Variants in H4C5 observed in about 807,000 individuals in gnomAD.
H4C5 encodes H4 clustered histone 5.
In H4C5, 15 loss-of-function variants were observed where a neutral mutation model predicts 5.3. That is an observed-to-expected ratio of 2.84 (90% CI 1.90 to 4.37). The LOEUF (loss-of-function observed/expected upper bound fraction) is 4.37, where lower values mean the gene tolerates loss of function less well. Ranked by LOEUF, H4C5 falls within the 30% of genes most tolerant of loss-of-function variation. The pLI is 0.00. For missense variants in H4C5, 153 were observed against 145.7 expected, an observed-to-expected ratio of 1.05 and a Z score of -0.26; for synonymous variants, 154 against 56.9, an observed-to-expected ratio of 2.71 and a Z score of -7.68.
Position 26,204,885 on chromosome 6 carries a change from A to G in H4C5, c.241A>G (p.Thr81Ala). ...TTACACGGAGCACGCCAAACGCAAG[A>G]CAGTGACAGCGATGGATGTGGTCTA... ...VTYTEHAKRK[T>A]VTAMDVVYAL... The change falls in exon 1 of 1, where the codon ACA becomes GCA. Residue 81 changes from threonine (T) to alanine (A), a missense_variant. Transcript: ENST00000615164. 1 of 1,614,170 alleles carries G rather than the reference A, an allele frequency of 6.2e-7. No individual in the cohort carries two copies. The highest frequency in any genetic ancestry group is 8.5e-7 in the Non-Finnish European group (1 of 1,179,982).
rs1376863008 is a variant in H4C5, at chr6:26,204,788, T to C, written c.144T>C (p.Ser48=). ...LARRGGVKRI[S]GLIYEETRGV... The stretch of plus-strand genomic sequence containing the variant: ...GTCGCGGGGGTGTCAAGCGCATTTC[T>C]GGTCTCATCTACGAGGAGACTCGCG... The change falls in exon 1 of 1, where the codon TCT becomes TCC. Residue 48 remains serine, a synonymous_variant. Transcript: ENST00000615164. The C allele has an allele frequency of 6.2e-7, 1 of 1,614,228 alleles. No individual in the cohort carries two copies.
chr6:26,204,638 G>A lies in H4C5; in HGVS notation c.-7G>A. The A allele has an allele frequency of 6.3e-7, 1 of 1,579,382 alleles. No homozygotes were observed. Among genetic ancestry groups the A allele is most frequent in the Non-Finnish European group, 8.6e-7 (1 of 1,157,658 alleles). On this transcript the variant is annotated 5_prime_UTR_variant, in exon 1 of 1. Transcript: ENST00000615164. ...TTTTTGCGGCTATTTTCGTTGGTGT[G>A]TTGGTCATGTCTGGTCGCGGCAAAG...
In H4C5 at chr6:26,204,830, T is replaced by C. The variant is rs751466377; in HGVS notation, c.186T>C (p.Phe62=). 7 of 1,614,060 alleles carry C rather than the reference T, an allele frequency of 4.3e-6. No homozygotes were observed. Among genetic ancestry groups the C allele is most frequent in the South Asian group, 2.2e-5 (2 of 91,092 alleles). Residue 62 remains phenylalanine, a synonymous_variant, in exon 1 of 1, where the codon TTT becomes TTC. Coordinates refer to ENST00000615164, the MANE Select transcript of H4C5 (RefSeq NM_003545.4). ...YEETRGVLKV[F]LENVIRDAVT... ...AGACTCGCGGGGTTCTGAAGGTGTT[T>C]CTGGAAAACGTGATTCGTGATGCTG...
rs141153727 is a variant in H4C5 at position 26,204,953 on chromosome 6, C to G, written c.309C>G (p.Gly103=). Residue 103 remains glycine, a synonymous_variant, in exon 1 of 1, where the codon GGC becomes GGG. Transcript: ENST00000615164. ...RQGRTLYGFG[G] ...GACGCACTCTTTACGGCTTCGGCGG[C>G]TAATGCTACCGCTTAAACGACTCAG... is the stretch of plus-strand genomic sequence containing the variant. 2.5e-6 allele frequency: 4 copies of G among 1,599,722 alleles called. No individual in the cohort carries two copies. The highest frequency in any genetic ancestry group is 1.1e-5 in the South Asian group (1 of 90,778).
Position 26,204,991 on chromosome 6 carries a change from C to A in H4C5, c.*35C>A, listed in dbSNP as rs1052954561. On this transcript the variant is annotated 3_prime_UTR_variant, in exon 1 of 1. Coordinates refer to ENST00000615164, the MANE Select transcript of H4C5 (RefSeq NM_003545.4). Reference sequence around the variant, plus strand: ...TTAAACGACTCAGCATCTCGACTTCCCAAATCAAAGGCCCTTTTCAGGGCC... The same window carrying A: ...TTAAACGACTCAGCATCTCGACTTCACAAATCAAAGGCCCTTTTCAGGGCC... The A allele has an allele frequency of 3.4e-5, 53 of 1,571,832 alleles. No individual in the cohort carries two copies. The highest frequency in any genetic ancestry group is 4.5e-5 in the Non-Finnish European group (52 of 1,153,254).
Position 26,204,716 on chromosome 6 carries a change from A to C in H4C5, c.72A>C (p.Arg24=), listed in dbSNP as rs758146321. 1 of 1,614,186 alleles carries C rather than the reference A, an allele frequency of 6.2e-7. No individual in the cohort carries two copies. The highest frequency in any genetic ancestry group is 1.1e-5 in the South Asian group (1 of 91,080). ...GGAKRHRKVL[R]DNIQGITKPA... ...CTAAGCGTCACCGTAAGGTCCTGCG[A>C]GATAACATCCAGGGCATTACCAAGC... Residue 24 remains arginine, a synonymous_variant, in exon 1 of 1, where the codon CGA becomes CGC. Transcript: ENST00000615164.
At position 26,204,993 on chromosome 6, in the gene H4C5, A is replaced by C; in HGVS notation, c.*37A>C. 2 of 1,570,046 alleles carry C rather than the reference A, an allele frequency of 1.3e-6. No homozygotes were observed. Among genetic ancestry groups the C allele is most frequent in the Admixed American group, 1.8e-5 (1 of 55,978 alleles). On this transcript the variant is annotated 3_prime_UTR_variant, in exon 1 of 1. Transcript: ENST00000615164. The stretch of plus-strand genomic sequence containing the variant: ...AAACGACTCAGCATCTCGACTTCCC[A>C]AATCAAAGGCCCTTTTCAGGGCCGC...
chr6:26,204,858 A>C lies in H4C5; in HGVS notation c.214A>C (p.Thr72Pro). The change falls in exon 1 of 1, where the codon ACT (threonine) becomes CCT (proline). Residue 72 changes from threonine (T) to proline (P), a missense_variant. Physicochemically the swap from Thr to Pro is conservative, Grantham distance 38. Transcript: ENST00000615164. The part of the protein sequence containing the change: ...FLENVIRDAV[T>P]YTEHAKRKTV... ...GGAAAACGTGATTCGTGATGCTGTG[A>C]CTTACACGGAGCACGCCAAACGCAA... is the stretch of plus-strand genomic sequence containing the variant. The C allele has an allele frequency of 6.2e-7, 1 of 1,614,180 alleles. No homozygotes were observed. The highest frequency in any genetic ancestry group is 8.5e-7 in the Non-Finnish European group (1 of 1,180,032).
rs117730068 is a variant in H4C5 at position 26,204,976 on chromosome 6, C to T, written c.*20C>T. The T allele has an allele frequency of 5.1e-4, 809 of 1,585,296 alleles. 9 individuals carry two copies. The East Asian group carries it at 0.015, about 29-fold the overall frequency. On this transcript the variant is annotated 3_prime_UTR_variant, in exon 1 of 1. Transcript: ENST00000615164. ...GGCTAATGCTACCGCTTAAACGACT[C>T]AGCATCTCGACTTCCCAAATCAAAG... is the stretch of plus-strand genomic sequence containing the variant.
At position 26,204,800 on chromosome 6, in the gene H4C5, C is replaced by G. The variant is rs369555319; in HGVS notation, c.156C>G (p.Tyr52Ter). 4 of 1,614,162 alleles carry G rather than the reference C, an allele frequency of 2.5e-6. No individual in the cohort carries two copies. The highest frequency in any genetic ancestry group is 1.1e-5 in the South Asian group (1 of 91,084). The change falls in exon 1 of 1, where the codon TAC (tyrosine) becomes TAG (stop). Residue 52 changes from tyrosine (Y) to a stop codon, truncating the protein, a stop_gained. Transcript: ENST00000615164. LOFTEE classifies it high-confidence loss of function. ...GGVKRISGLI[Y>*]EETRGVLKVF... is the part of the protein sequence containing the mutation. ...TCAAGCGCATTTCTGGTCTCATCTA[C>G]GAGGAGACTCGCGGGGTTCTGAAGG...
In H4C5 at chr6:26,204,978, G is replaced by A; in HGVS notation, c.*22G>A. 2.5e-6 allele frequency: 4 copies of A among 1,583,266 alleles called. No homozygotes were observed. The highest frequency in any genetic ancestry group is 3.5e-6 in the Non-Finnish European group (4 of 1,158,706). On this transcript the variant is annotated 3_prime_UTR_variant, in exon 1 of 1. Coordinates refer to ENST00000615164, the MANE Select transcript of H4C5 (RefSeq NM_003545.4). ...CTAATGCTACCGCTTAAACGACTCAGCATCTCGACTTCCCAAATCAAAGGC... is the reference window on the plus strand; with the variant it reads ...CTAATGCTACCGCTTAAACGACTCAACATCTCGACTTCCCAAATCAAAGGC...
chr6:26,204,888 G>A lies in H4C5; in HGVS notation c.244G>A (p.Val82Met). 2 of 1,614,108 alleles carry A rather than the reference G, an allele frequency of 1.2e-6. No homozygotes were observed. Among genetic ancestry groups the A allele is most frequent in the Non-Finnish European group, 1.7e-6 (2 of 1,179,938 alleles). ...TYTEHAKRKT[V>M]TAMDVVYALK... ...CACGGAGCACGCCAAACGCAAGACA[G>A]TGACAGCGATGGATGTGGTCTACGC... Residue 82 changes from valine to methionine, a missense_variant, in exon 1 of 1, where the codon GTG (valine) becomes ATG (methionine). Transcript: ENST00000615164.
rs754219809 is a variant in H4C5 at position 26,204,620 on chromosome 6, G to C, written c.-25G>C. On this transcript the variant is annotated 5_prime_UTR_variant, in exon 1 of 1. Transcript: ENST00000615164. Reference sequence around the variant, plus strand: ...CGTCGCTTGTTTTTCAGATTTTTGCGGCTATTTTCGTTGGTGTGTTGGTCA... The same window carrying C: ...CGTCGCTTGTTTTTCAGATTTTTGCCGCTATTTTCGTTGGTGTGTTGGTCA... 1.3e-6 allele frequency: 2 copies of C among 1,547,944 alleles called. No individual in the cohort carries two copies. Among genetic ancestry groups the C allele is most frequent in the Admixed American group, 2.0e-5 (1 of 49,032 alleles).
In H4C5 at chr6:26,204,655, G is replaced by C; in HGVS notation, c.11G>C (p.Arg4Pro). The C allele has an allele frequency of 1.3e-6, 2 of 1,597,278 alleles. No individual in the cohort carries two copies. Among genetic ancestry groups the C allele is most frequent in the Non-Finnish European group, 1.7e-6 (2 of 1,167,184 alleles). MSG[R>P]GKGGKGLGKG... ...GTTGGTGTGTTGGTCATGTCTGGTC[G>C]CGGCAAAGGCGGAAAGGGACTGGGT... Residue 4 changes from arginine (R) to proline (P), a missense_variant, in exon 1 of 1, where the codon CGC becomes CCC. Physicochemically the swap from Arg to Pro is moderately radical, Grantham distance 103. Coordinates refer to ENST00000615164, the MANE Select transcript of H4C5 (RefSeq NM_003545.4).
In H4C5 at chr6:26,204,948, G is replaced by C; in HGVS notation, c.304G>C (p.Gly102Arg). ...ACAGGGACGCACTCTTTACGGCTTC[G>C]GCGGCTAATGCTACCGCTTAAACGA... is the stretch of plus-strand genomic sequence containing the variant. ...KRQGRTLYGFGG is the reference protein window; with the variant it reads ...KRQGRTLYGFRG Residue 102 changes from glycine to arginine, a missense_variant, in exon 1 of 1, where the codon GGC becomes CGC. Physicochemically the swap from Gly to Arg is moderately radical, Grantham distance 125. Transcript: ENST00000615164. 1 of 1,600,956 alleles carries C rather than the reference G, an allele frequency of 6.2e-7. No homozygotes were observed. Among genetic ancestry groups the C allele is most frequent in the Non-Finnish European group, 8.6e-7 (1 of 1,168,910 alleles).
rs1289835227 is a variant in H4C5 at position 26,205,005 on chromosome 6, CTT to C, written c.*52_*53del. 6.5e-7 allele frequency: 1 copy of C among 1,542,860 alleles called. No individual in the cohort carries two copies. The highest frequency in any genetic ancestry group is 1.4e-5 in the African/African-American group (1 of 72,794). On this transcript the variant is annotated 3_prime_UTR_variant, in exon 1 of 1. Coordinates refer to ENST00000615164, the MANE Select transcript of H4C5 (RefSeq NM_003545.4). ...ATCTCGACTTCCCAAATCAAAGGCC[CTT>C]TTCAGGGCCGCCCACAGTTTTCCGC...
Position 26,204,811 on chromosome 6 carries a change from G to C in H4C5, c.167G>C (p.Arg56Pro), listed in dbSNP as rs1203352041. The change falls in exon 1 of 1, where the codon CGC (arginine) becomes CCC (proline). Residue 56 changes from arginine to proline, a missense_variant. Physicochemically the swap from Arg to Pro is moderately radical, Grantham distance 103. Transcript: ENST00000615164. ...TCTGGTCTCATCTACGAGGAGACTCGCGGGGTTCTGAAGGTGTTTCTGGAA... is the reference window on the plus strand; with the variant it reads ...TCTGGTCTCATCTACGAGGAGACTCCCGGGGTTCTGAAGGTGTTTCTGGAA... ...RISGLIYEETRGVLKVFLENV... is the reference protein window; with the variant it reads ...RISGLIYEETPGVLKVFLENV... 11 of 1,614,056 alleles carry C rather than the reference G, an allele frequency of 6.8e-6. No homozygotes were observed. Among genetic ancestry groups the C allele is most frequent in the Non-Finnish European group, 9.3e-6 (11 of 1,180,028 alleles).
Position 26,204,610 on chromosome 6 carries a change from A to T in H4C5, c.-35A>T, listed in dbSNP as rs371154912. Reference sequence around the variant, plus strand: ...AGAATACTACCGTCGCTTGTTTTTCAGATTTTTGCGGCTATTTTCGTTGGT... The same window carrying T: ...AGAATACTACCGTCGCTTGTTTTTCTGATTTTTGCGGCTATTTTCGTTGGT... On this transcript the variant is annotated 5_prime_UTR_variant, in exon 1 of 1. Coordinates refer to ENST00000615164, the MANE Select transcript of H4C5 (RefSeq NM_003545.4). The T allele has an allele frequency of 9.4e-5, 145 of 1,537,356 alleles. 1 individual carries two copies. In the South Asian group the frequency reaches 1.2e-3, roughly 13 times the overall value.
Position 26,204,952 on chromosome 6 carries a change from G to A in H4C5, c.308G>A (p.Gly103Asp). The change falls in exon 1 of 1, where the codon GGC (glycine) becomes GAC (aspartate). Residue 103 changes from glycine to aspartate, a missense_variant. Coordinates refer to ENST00000615164, the MANE Select transcript of H4C5 (RefSeq NM_003545.4). Reference sequence around the variant, plus strand: ...GGACGCACTCTTTACGGCTTCGGCGGCTAATGCTACCGCTTAAACGACTCA... The same window carrying A: ...GGACGCACTCTTTACGGCTTCGGCGACTAATGCTACCGCTTAAACGACTCA... ...RQGRTLYGFG[G>D] 6.3e-7 allele frequency: 1 copy of A among 1,599,938 alleles called. No individual in the cohort carries two copies. The highest frequency in any genetic ancestry group is 8.6e-7 in the Non-Finnish European group (1 of 1,168,086).
Sources: allele counts gnomAD v4.1 joint callset, GRCh38; gene constraint gnomAD v4.1.1; transcripts MANE v1.5; gene names NCBI Gene and HGNC (gene_info 2026-07-23, HGNC 2026-07-21).